KMT2C: variants seen among roughly 807,000 people sequenced by gnomAD.
The protein encoded by KMT2C is lysine methyltransferase 2C.
Under a neutral mutation model 507.9 loss-of-function variants are expected in KMT2C, and 88 were observed. The ratio of observed to expected loss-of-function variants is 0.17; its 90% CI spans 0.15 to 0.21. The LOEUF (loss-of-function observed/expected upper bound fraction) is 0.21, where lower values mean the gene tolerates loss of function less well. Among genes scored for constraint, KMT2C ranks in the 10% least tolerant of loss-of-function variants. KMT2C has a pLI of 1.00. For synonymous variants in KMT2C, 2,049 were observed against 2,080.8 expected (o/e 0.98, Z 0.42); for missense variants, 4,954 against 5,957.8 (o/e 0.83, Z 5.55).
intron 26 of KMT2C, among the ~76,000 whole-genome samples, chr7:152,200,141 CCTATG>C (rs2094088526): frequency 1.3e-5 from 2 of 152,182 alleles, no homozygotes; most frequent in Admixed American, 1.3e-4. Flanking sequence ...TAGTCTATAT[CCTATG>C]ATGTAGTCTA....
intron 1 of KMT2C, among the ~76,000 whole-genome samples, chr7:152,435,052 T>C (rs1037688688): frequency 6.6e-6 from 1 of 151,900 alleles, no homozygotes; most frequent in Admixed American, 6.6e-5. Context: ...GGCTTCCTAA[T>C]ATATCATCAA....
intron 1 of KMT2C, among the ~76,000 whole-genome samples, chr7:152,414,727 C>T (rs1589867706): frequency 1.3e-5 from 2 of 151,950 alleles, no homozygotes; most frequent in Admixed American, 6.6e-5. Context: ...AATTCTAGAC[C>T]TCAGGTGATC....
intron 23 of KMT2C, among the ~76,000 whole-genome samples, chr7:152,216,767 T>G (rs2094594401): frequency 6.6e-6 from 1 of 152,198 alleles, no homozygotes; most frequent in African/African-American, 2.4e-5. Context: ...GCATAATTTC[T>G]TACTAACTCA....
chr7:152,337,587 G>A (rs1358155466), intron 2 of KMT2C, among the ~76,000 whole-genome samples: 2 of 152,256 alleles, frequency 1.3e-5, no homozygotes, highest in East Asian at 1.9e-4. Flanking sequence ...TTCCGAGTCT[G>A]CATTCTAGCT....
intron 1 of KMT2C, among the ~76,000 whole-genome samples, chr7:152,376,010 A>C (rs1342312915): frequency 6.6e-6 from 1 of 151,930 alleles, no homozygotes; most frequent in Non-Finnish European, 1.5e-5. Flanking sequence ...ATGGGGTGTC[A>C]CCATGTTGCT....
At chr7:152,419,671 C>T (rs1484997095) in intron 1 of KMT2C, among the ~76,000 whole-genome samples, 1 of 152,134 alleles carries the variant, frequency 6.6e-6, no homozygotes, top group African/African-American at 2.4e-5. Flanking sequence ...CTTTCCCTTC[C>T]TCATTTCCTC....
intron 1 of KMT2C, among the ~76,000 whole-genome samples, chr7:152,417,832 C>T (rs1326556534): frequency 6.6e-6 from 1 of 151,174 alleles, no homozygotes. Flanking sequence ...TTAGTAGAGA[C>T]GGGGTTTCAC....
At chr7:152,255,146 C>CATATATATATAT (rs1208910877) in intron 9 of KMT2C, among the ~76,000 whole-genome samples, 2 of 63,984 alleles carry the variant, frequency 3.1e-5, no homozygotes, top group African/African-American at 1.3e-4. Context: ...TATATATATA[C>CATATATATATAT]ATATATATAT....
intron 52 of KMT2C, among the ~76,000 whole-genome samples, chr7:152,147,319 C>T (rs975597677): frequency 1.3e-5 from 2 of 152,104 alleles, no homozygotes; most frequent in African/African-American, 2.4e-5. Flanking sequence ...TGTTCCTATA[C>T]ATTGTCTTAT....
At chr7:152,207,278 A>T (rs1411559458) in intron 24 of KMT2C, 22 bp downstream of exon 24, 5 of 1,469,226 alleles carry the variant, frequency 3.4e-6, no homozygotes, top group Non-Finnish European at 4.6e-6. Context: ...TGATATTGAA[A>T]TGTCTACCTC....
intron 10 of KMT2C, 64 bp from the exon 11 acceptor site, chr7:152,252,154 A>G: frequency 8.3e-7 from 1 of 1,203,126 alleles, no homozygotes; most frequent in Non-Finnish European, 1.2e-6. Context: ...GGTAAAGAGA[A>G]GGCATTGCTG....
intron 44 of KMT2C, among the ~76,000 whole-genome samples, chr7:152,157,436 C>A (rs369812417): frequency 1.3e-5 from 2 of 151,700 alleles, no homozygotes; most frequent in Non-Finnish European, 2.9e-5. Context: ...TAAACTACTA[C>A]TTTTTTTAAA....
chr7:152,326,647 G>A (rs1297223050), intron 3 of KMT2C, among the ~76,000 whole-genome samples: 3 of 152,280 alleles, frequency 2.0e-5, no homozygotes, highest in Middle Eastern at 3.4e-3. Flanking sequence ...TTGGGAGGCC[G>A]AGATGTGCAG....
chr7:152,179,011 GAC>G (rs2129116955), intron 37 of KMT2C, among the ~76,000 whole-genome samples: 1 of 152,278 alleles, frequency 6.6e-6, no homozygotes, highest in East Asian at 1.9e-4. Context: ...TTTAAATTGA[GAC>G]AGAGTCTCGT....
At chr7:152,151,712 AT>A in intron 49 of KMT2C, 131 bp from the exon 50 acceptor site, 1 of 625,502 alleles carries the variant, frequency 1.6e-6, no homozygotes, top group African/African-American at 1.9e-5. Context: ...AATAAAAAAA[AT>A]TTATCTTCTA....
chr7:152,393,968 T>C (rs1051495574), intron 1 of KMT2C, among the ~76,000 whole-genome samples: 9 of 151,994 alleles, frequency 5.9e-5, no homozygotes, highest in Admixed American at 2.6e-4. Flanking sequence ...ATAAAATAGA[T>C]GTGCATGAAC....
Position 152,295,407 on chromosome 7 carries a change from C to G in KMT2C, c.849+14559G>C, listed in dbSNP as rs56083134. On this transcript the variant is annotated intron_variant, in intron 6 of 58. Coordinates refer to ENST00000262189, the MANE Select transcript of KMT2C (RefSeq NM_170606.3). ...CCTACTTATTCTCCAGTCATTCTTA[C>G]GTATGTGCCATTTTTCCAAAATCCA... Among the ~76,000 whole-genome samples the G allele has an allele frequency of 4.6e-5, 7 of 152,288 alleles. No individual in the cohort carries two copies. In the South Asian group the frequency reaches 1.4e-3, roughly 32 times the overall value.
chr7:152,382,486 T>C (rs2097383525), intron 1 of KMT2C, among the ~76,000 whole-genome samples: 1 of 152,304 alleles, frequency 6.6e-6, no homozygotes, highest in Non-Finnish European at 1.5e-5. Context: ...CCTGTGGCTT[T>C]CAGGTCATTT....
At chr7:152,368,254 A>T (rs927969497) in intron 1 of KMT2C, 4 of 917,622 alleles carry the variant, frequency 4.4e-6, no homozygotes, top group Non-Finnish European at 7.3e-6. Flanking sequence ...AGATGTTACT[A>T]ATAATGTCCA....
Sources: allele counts gnomAD v4.1 joint callset (sites outside exome capture counted in the v4.1 genomes callset), GRCh38; gene constraint gnomAD v4.1.1; transcripts MANE v1.5; gene names NCBI Gene and HGNC (gene_info 2026-07-23, HGNC 2026-07-21).